PPP1R3C: variants seen among roughly 807,000 people sequenced by gnomAD.
The protein encoded by PPP1R3C is protein phosphatase 1 regulatory subunit 3C, also known as PP1 subunit R5.
A neutral mutation model predicts 29.3 loss-of-function variants in PPP1R3C; 20 were observed. The observed-to-expected ratio is 0.68, with a 90% CI of 0.48 to 0.99. The LOEUF is 0.99. Among genes scored for constraint, PPP1R3C ranks in the 50% least tolerant of loss-of-function variants. The pLI is 0.00. For synonymous variants in PPP1R3C, 123 were observed against 143.1 expected (o/e 0.86, Z 1.00); for missense variants, 321 against 386.0 (o/e 0.83, Z 1.41).
rs1254037658 is a variant in PPP1R3C at position 91,632,392 on chromosome 10, G to GT, written c.14+563dup. Among the ~76,000 whole-genome samples, 3 of 149,584 alleles carry GT rather than the reference G, an allele frequency of 2.0e-5. 1 individual carries two copies. Among genetic ancestry groups the GT allele is most frequent in the African/African-American group, 2.5e-5 (1 of 40,396 alleles). On this transcript the variant is annotated intron_variant, in intron 1 of 1. Coordinates refer to ENST00000238994, the MANE Select transcript of PPP1R3C (RefSeq NM_005398.7). Reference sequence around the variant, plus strand: ...GTAGTTTTATGGGAGGTTTTTTTTGGTTTTTTTGTTTTTTTTTTTTTACTT... The same window carrying GT: ...GTAGTTTTATGGGAGGTTTTTTTTGGTTTTTTTTGTTTTTTTTTTTTTACTT...
At position 91,630,287 on chromosome 10, in the gene PPP1R3C, G is replaced by T. The variant is rs144290379; in HGVS notation, c.594C>A (p.Asp198Glu). ...CATTTTTCATATAGACACAGTCTAC[G>T]TCAGTGTAGTTTTTCCAAGAATCGA... ...ITFDSWKNYT[D>E]VDCVYMKNVY... Residue 198 changes from aspartate to glutamate, a missense_variant, in exon 2 of 2, where the codon GAC (aspartate) becomes GAA (glutamate). Physicochemically the swap from Asp to Glu is conservative, Grantham distance 45. Coordinates refer to ENST00000238994, the MANE Select transcript of PPP1R3C (RefSeq NM_005398.7). The surrounding 1 kb of genome is among the most constrained non-coding windows in gnomAD (Gnocchi z 4.4). 100 of 1,614,180 alleles carry T rather than the reference G, an allele frequency of 6.2e-5. No individual in the cohort carries two copies. The African/African-American group carries it at 1.3e-3, about 20-fold the overall frequency.
rs931912957 is a variant in PPP1R3C at position 91,630,919 on chromosome 10, C to G, written c.15-53G>C. On this transcript the variant is annotated intron_variant, in intron 1 of 1. Coordinates refer to ENST00000238994, the MANE Select transcript of PPP1R3C (RefSeq NM_005398.7). This position sits in a 1 kb window ranked among gnomAD's most constrained non-coding sequence, Gnocchi z 4.4. ...CACCTGGATCGGAAATGCTCTTCCCCAGTGCCAAATACATATGTACTATTT... is the reference window on the plus strand; with the variant it reads ...CACCTGGATCGGAAATGCTCTTCCCGAGTGCCAAATACATATGTACTATTT... 2 of 1,488,840 alleles carry G rather than the reference C, an allele frequency of 1.3e-6. No homozygotes were observed. Among genetic ancestry groups the G allele is most frequent in the Non-Finnish European group, 1.9e-6 (2 of 1,078,618 alleles). 92.2% of individuals were successfully genotyped at this position (1,488,840 alleles called of 1,614,324 possible). A position where few individuals can be genotyped will look rare whatever the true frequency, so the allele number is the denominator to read the frequency against.
rs1363799701 is a variant in PPP1R3C, at chr10:91,629,160, T to C, written c.*767A>G. 6.6e-6 allele frequency: 1 copy of C among 152,200 alleles called. No homozygotes were observed. The highest frequency in any genetic ancestry group is 1.5e-5 in the Non-Finnish European group (1 of 68,068). 9.4% of individuals were successfully genotyped at this position (152,200 alleles called of 1,614,324 possible). On this transcript the variant is annotated 3_prime_UTR_variant, in exon 2 of 2. Transcript: ENST00000238994. ...TTGTTAGCCATTAATGATGGCATGGTTTTTCTATACCAAGCATTCTATAAC... is the reference window on the plus strand; with the variant it reads ...TTGTTAGCCATTAATGATGGCATGGCTTTTCTATACCAAGCATTCTATAAC...
At position 91,629,990 on chromosome 10, in the gene PPP1R3C, A is replaced by G. The variant is rs370552591; in HGVS notation, c.891T>C (p.Ala297=). 10 of 1,614,096 alleles carry G rather than the reference A, an allele frequency of 6.2e-6. No homozygotes were observed. The highest frequency in any genetic ancestry group is 8.5e-6 in the Non-Finnish European group (10 of 1,180,032). ...ESTIFGSPRL[A]SGLFPEWQSW... The stretch of plus-strand genomic sequence containing the variant: ...TCTGCCACTCTGGGAAGAGCCCACT[A>G]GCCAGCCTCGGACTGCCAAAGATTG... The change falls in exon 2 of 2, where the codon GCT becomes GCC. Residue 297 remains alanine (A), a synonymous_variant. Coordinates refer to ENST00000238994, the MANE Select transcript of PPP1R3C (RefSeq NM_005398.7).
At chr10:91,631,047 T>C (rs994853940) in intron 1 of PPP1R3C, among the ~76,000 whole-genome samples, 181 bp from the exon 2 acceptor site, 2 of 152,226 alleles carry the variant, frequency 1.3e-5, no homozygotes, top group Non-Finnish European at 2.9e-5. Flanking sequence ...TATGTCTACC[T>C]CTACCCTTGG....
Position 91,633,016 on chromosome 10 carries a change from A to C in PPP1R3C, c.-47T>G. ...CTAAAAGCCAGCACCCGCTGCCTGC[A>C]CAAATTCGAACCACAGCTCCAGGCC... is the stretch of plus-strand genomic sequence containing the variant. On this transcript the variant is annotated 5_prime_UTR_variant, in exon 1 of 2. Transcript: ENST00000238994. 3 of 1,602,676 alleles carry C rather than the reference A, an allele frequency of 1.9e-6. No individual in the cohort carries two copies. The highest frequency in any genetic ancestry group is 1.7e-6 in the Non-Finnish European group (2 of 1,174,582).
Position 91,629,521 on chromosome 10 carries a change from C to A in PPP1R3C, c.*406G>T, listed in dbSNP as rs561364598. 1.6e-4 allele frequency: 29 copies of A among 185,788 alleles called. 1 individual carries two copies. The South Asian group carries it at 3.9e-3, about 25-fold the overall frequency. 11.5% of individuals were successfully genotyped at this position (185,788 alleles called of 1,614,324 possible). On this transcript the variant is annotated 3_prime_UTR_variant, in exon 2 of 2. Transcript: ENST00000238994. ...CCACCAACAATGATCAGACCTCCCA[C>A]TCCTCTGACTTGAGCTTCAGAGCCC...
Position 91,630,209 on chromosome 10 carries a change from A to G in PPP1R3C, c.672T>C (p.Pro224=), listed in dbSNP as rs774730445. 6 of 1,614,104 alleles carry G rather than the reference A, an allele frequency of 3.7e-6. No individual in the cohort carries two copies. The East Asian group carries it at 1.1e-4, about 30-fold the overall frequency. ...DTFSFAIDLP[P]VIPTEQKIEF... ...CAATTTTCTGCTCAGTTGGAATGAC[A>G]GGGGGTAAGTCAATGGCAAATGAGA... Residue 224 remains proline (P), a synonymous_variant, in exon 2 of 2, where the codon CCT becomes CCC. Transcript: ENST00000238994. The surrounding 1 kb of genome is among the most constrained non-coding windows in gnomAD (Gnocchi z 4.4).
At chr10:91,632,094 G>T (rs1406988166) in intron 1 of PPP1R3C, among the ~76,000 whole-genome samples, 2 of 152,196 alleles carry the variant, frequency 1.3e-5, no homozygotes, top group African/African-American at 2.4e-5. Flanking sequence ...ACAAGTAAGA[G>T]GTGTGTGTAT....
Position 91,630,884 on chromosome 10 carries a change from G to A in PPP1R3C, c.15-18C>T, listed in dbSNP as rs1848711468. 1 of 1,596,970 alleles carries A rather than the reference G, an allele frequency of 6.3e-7. No individual in the cohort carries two copies. The highest frequency in any genetic ancestry group is 8.5e-7 in the Non-Finnish European group (1 of 1,171,480). Reference sequence around the variant, plus strand: ...GGATCATTCTGGAATGCAAAAAGAAGAGGGATTATCACCTGGATCGGAAAT... The same window carrying A: ...GGATCATTCTGGAATGCAAAAAGAAAAGGGATTATCACCTGGATCGGAAAT... On this transcript the variant is annotated intron_variant, in intron 1 of 1. Transcript: ENST00000238994. This position sits in a 1 kb window ranked among gnomAD's most constrained non-coding sequence, Gnocchi z 4.4.
rs749084358 is a variant in PPP1R3C, at chr10:91,630,036, G to A, written c.845C>T (p.Pro282Leu). The change falls in exon 2 of 2, where the codon CCT (proline) becomes CTT (leucine). Residue 282 changes from proline (P) to leucine (L), a missense_variant. Transcript: ENST00000238994. This position sits in a 1 kb window ranked among gnomAD's most constrained non-coding sequence, Gnocchi z 4.4. ...GATTGTTGACTCTAACTCTGTCTTA[G>A]GAGACGTCTGGTGGAATGCACAGTC... ...PQDCAFHQTSPKTELESTIFG... is the reference protein window; with the variant it reads ...PQDCAFHQTSLKTELESTIFG... 1.2e-6 allele frequency: 2 copies of A among 1,614,200 alleles called. No individual in the cohort carries two copies. The highest frequency in any genetic ancestry group is 1.1e-5 in the South Asian group (1 of 91,086).
intron 1 of PPP1R3C, among the ~76,000 whole-genome samples, chr10:91,631,267 C>G (rs1848715445): frequency 6.6e-6 from 1 of 152,298 alleles, no homozygotes; most frequent in South Asian, 2.1e-4. Flanking sequence ...CTCCTTTCCT[C>G]CTTCCCTCCT....
At chr10:91,631,930 A>G (rs1174422187) in intron 1 of PPP1R3C, among the ~76,000 whole-genome samples, 3 of 152,184 alleles carry the variant, frequency 2.0e-5, no homozygotes, top group South Asian at 4.1e-4. Context: ...TTATAAGTAG[A>G]AAGACAATAA....
chr10:91,632,488 A>G (rs1391066495), intron 1 of PPP1R3C, among the ~76,000 whole-genome samples: 4 of 152,080 alleles, frequency 2.6e-5, no homozygotes, highest in Non-Finnish European at 5.9e-5. Flanking sequence ...ACAAGAGTTA[A>G]AAGTAATCGT....
In PPP1R3C at chr10:91,629,642, G is replaced by A. The variant is rs961756095; in HGVS notation, c.*285C>T. The A allele has an allele frequency of 1.4e-4, 63 of 447,840 alleles. No individual in the cohort carries two copies. The highest frequency in any genetic ancestry group is 1.1e-3 in the African/African-American group (57 of 50,794). 27.7% of individuals were successfully genotyped at this position (447,840 alleles called of 1,614,324 possible). On this transcript the variant is annotated 3_prime_UTR_variant, in exon 2 of 2. Transcript: ENST00000238994. ...CAACTTTTCCTTGCCCAACATGAAA[G>A]CTAGTGGATTGAGAGGGAAGGAAGA...
Position 91,628,454 on chromosome 10 carries a change from C to A in PPP1R3C, c.*1473G>T, listed in dbSNP as rs748782572. The A allele has an allele frequency of 6.6e-6, 1 of 152,158 alleles. No individual in the cohort carries two copies. The highest frequency in any genetic ancestry group is 2.4e-5 in the African/African-American group (1 of 41,432). 9.4% of individuals were successfully genotyped at this position (152,158 alleles called of 1,614,324 possible). A position where few individuals can be genotyped will look rare whatever the true frequency, so the allele number is the denominator to read the frequency against. ...ATATACTCAGGCCTTATATCAAACA[C>A]ATTTATTCTTAAAGTGAGAAGCTCA... On this transcript the variant is annotated 3_prime_UTR_variant, in exon 2 of 2. Transcript: ENST00000238994.
rs762207312 is a variant in PPP1R3C at position 91,629,884 on chromosome 10, G to A, written c.*43C>T. The A allele has an allele frequency of 2.5e-6, 4 of 1,596,900 alleles. No homozygotes were observed. Among genetic ancestry groups the A allele is most frequent in the Middle Eastern group, 1.8e-4 (1 of 5,650 alleles). On this transcript the variant is annotated 3_prime_UTR_variant, in exon 2 of 2. Transcript: ENST00000238994. Reference sequence around the variant, plus strand: ...GAGCAATACAGACCTAGGATTGCATGGGGGAATATGACAAGTCAAGACCAG... The same window carrying A: ...GAGCAATACAGACCTAGGATTGCATAGGGGAATATGACAAGTCAAGACCAG...
chr10:91,632,343 C>G (rs1215381786), intron 1 of PPP1R3C, among the ~76,000 whole-genome samples: 5 of 150,438 alleles, frequency 3.3e-5, no homozygotes, highest in Admixed American at 3.3e-4. Context: ...TTCTGCTAAG[C>G]TATGTCTGGA....
chr10:91,632,127 C>A (rs1264817659), intron 1 of PPP1R3C, among the ~76,000 whole-genome samples: 1 of 152,192 alleles, frequency 6.6e-6, no homozygotes, highest in African/African-American at 2.4e-5. Flanking sequence ...ATTTCTCAGT[C>A]TGGCTTTAGT....
Sources: gnomAD v4.1 joint callset for allele counts (sites outside exome capture counted in the v4.1 genomes callset) on GRCh38, gnomAD v4.1.1 for gene constraint, Gnocchi (gnomAD v3.1) non-coding constraint, MANE v1.5 for transcripts, NCBI Gene and HGNC (gene_info 2026-07-23, HGNC 2026-07-21) for gene names.